Variants in GORASP2 observed in about 807,000 individuals in gnomAD.
GORASP2 encodes the protein Golgi reassembly-stacking protein 2.
A neutral mutation model predicts 45.7 loss-of-function variants in GORASP2; 22 were observed. The observed-to-expected ratio is 0.48, with a 90% confidence interval of 0.34 to 0.69. The LOEUF is 0.69. GORASP2 is among the 30% of genes least tolerant of loss of function. The pLI is 0.01. For missense variants in GORASP2, 491 were observed against 562.7 expected (o/e 0.87, Z 1.29); for synonymous variants, 221 against 215.6 (o/e 1.02, Z -0.22).
At chr2:170,956,721 A>G (rs560589499) in intron 7 of GORASP2, among the ~76,000 whole-genome samples, 162 bp downstream of exon 7, 22 of 149,570 alleles carry the variant, frequency 1.5e-4, no homozygotes, top group African/African-American at 5.4e-4. Flanking sequence ...CAGCATGGGC[A>G]ATATGGTGGA....
At chr2:170,954,122 C>G (rs1025440797) in intron 5 of GORASP2, 1 of 152,502 alleles carries the variant, frequency 6.6e-6, no homozygotes, top group African/African-American at 2.4e-5. Flanking sequence ...GTTGAACATA[C>G]ATGACTGATT....
At chr2:170,948,575 A>G in intron 2 of GORASP2, 145 bp downstream of exon 2, 1 of 569,670 alleles carries the variant, frequency 1.8e-6, no homozygotes, top group South Asian at 2.4e-5. Flanking sequence ...GTATTAATAA[A>G]CATTGAAATA....
chr2:170,944,461 C>T (rs770283985), intron 1 of GORASP2, among the ~76,000 whole-genome samples: 18 of 151,906 alleles, frequency 1.2e-4, no homozygotes, highest in East Asian at 1.9e-4. Context: ...GAGAGGAAAT[C>T]GATGTTAGTA....
intron 1 of GORASP2, among the ~76,000 whole-genome samples, chr2:170,934,731 C>G (rs1285267888): frequency 6.6e-6 from 1 of 151,246 alleles, no homozygotes; most frequent in African/African-American, 2.4e-5. Context: ...CCTTTTTTTT[C>G]TTTTTTGTTT....
At chr2:170,932,001 G>A (rs187823681) in intron 1 of GORASP2, among the ~76,000 whole-genome samples, 8 of 152,300 alleles carry the variant, frequency 5.3e-5, no homozygotes, top group East Asian at 3.9e-4. Flanking sequence ...CGAGGTGGGC[G>A]GATCACCTGA....
chr2:170,938,222 C>G (rs1477340175), intron 1 of GORASP2, among the ~76,000 whole-genome samples: 1 of 152,164 alleles, frequency 6.6e-6, no homozygotes, highest in Non-Finnish European at 1.5e-5. Context: ...TAGCTGATGC[C>G]TTTATTACTA....
At chr2:170,958,669 TTTTTTAA>T (rs1445228911) in intron 7 of GORASP2, among the ~76,000 whole-genome samples, 1 of 73,628 alleles carries the variant, frequency 1.4e-5, no homozygotes. Flanking sequence ...TTTTTTTTTT[TTTTTTAA>T]AAAAAAAAAA....
rs183621381 is a variant in GORASP2, at chr2:170,937,786, C to T, written c.63+8383C>T. On this transcript the variant is annotated intron_variant, in intron 1 of 9. Coordinates refer to ENST00000234160, the MANE Select transcript of GORASP2 (RefSeq NM_015530.5). Reference sequence around the variant, plus strand: ...TTGAAGCCAGGAGTTTGAGACCAGCCTAGACAGTAAAGTGAGATCCTGTCT... The same window carrying T: ...TTGAAGCCAGGAGTTTGAGACCAGCTTAGACAGTAAAGTGAGATCCTGTCT... Among the ~76,000 whole-genome samples, 11 of 152,182 alleles carry T rather than the reference C, an allele frequency of 7.2e-5. No homozygotes were observed. In the East Asian group the frequency reaches 2.1e-3, roughly 29 times the overall value.
chr2:170,945,899 CT>C (rs777698482), intron 1 of GORASP2, among the ~76,000 whole-genome samples: 1 of 152,192 alleles, frequency 6.6e-6, no homozygotes, highest in Non-Finnish European at 1.5e-5. Context: ...GAAAGTGTAT[CT>C]GTCATTTGCT....
intron 5 of GORASP2, 192 bp downstream of exon 5, chr2:170,951,650 A>G (rs1049817498): frequency 2.6e-5 from 11 of 421,362 alleles, no homozygotes; most frequent in Admixed American, 4.1e-5. Context: ...CATAGTATAT[A>G]TACTATAGTC....
chr2:170,932,227 CA>C (rs565934814), intron 1 of GORASP2, among the ~76,000 whole-genome samples: 3 of 147,492 alleles, frequency 2.0e-5, no homozygotes, highest in East Asian at 2.0e-4. Flanking sequence ...GACTTCTTTT[CA>C]AAAAAAAAAG....
At position 170,929,423 on chromosome 2, in the gene GORASP2, C is replaced by A; in HGVS notation, c.63+20C>A. ...CTGCGGGTAAGGGCTCCGACGGCGG[C>A]CGGGGAGCTGCGGGCTGGAGGCGGG... On this transcript the variant is annotated intron_variant, in intron 1 of 9. Transcript: ENST00000234160. The A allele has an allele frequency of 7.3e-7, 1 of 1,364,724 alleles. No individual in the cohort carries two copies. The highest frequency in any genetic ancestry group is 3.2e-5 in the Admixed American group (1 of 30,830). 84.5% of individuals were successfully genotyped at this position (1,364,724 alleles called of 1,614,324 possible).
In GORASP2 at chr2:170,947,992, G is replaced by A. The variant is rs116806660; in HGVS notation, c.64-358G>A. 8.4e-3 allele frequency among the ~76,000 whole-genome samples: 1,283 copies of A among 152,150 alleles called. 12 individuals carry two copies. Among genetic ancestry groups the A allele is most frequent in the African/African-American group, 0.027 (1,132 of 41,496 alleles). On this transcript the variant is annotated intron_variant, in intron 1 of 9. Transcript: ENST00000234160. Reference sequence around the variant, plus strand: ...AAAAATTAGTTGGACATGGTGGTACGCACCTATAGTCCTCCCAGGTACTCG... The same window carrying A: ...AAAAATTAGTTGGACATGGTGGTACACACCTATAGTCCTCCCAGGTACTCG...
intron 4 of GORASP2, 61 bp from the exon 5 acceptor site, chr2:170,951,267 T>G: frequency 7.2e-7 from 1 of 1,384,510 alleles, no homozygotes; most frequent in Non-Finnish European, 9.8e-7. Flanking sequence ...TAGCCAGGTT[T>G]GAGACACACT....
intron 7 of GORASP2, among the ~76,000 whole-genome samples, chr2:170,958,787 A>G (rs1219882388): frequency 6.6e-6 from 1 of 151,228 alleles, no homozygotes; most frequent in East Asian, 1.9e-4. Flanking sequence ...GCCTCAGCCT[A>G]ACCAAGTAGC....
At chr2:170,959,047 G>A (rs1423200568) in intron 7 of GORASP2, among the ~76,000 whole-genome samples, 4 of 151,168 alleles carry the variant, frequency 2.6e-5, no homozygotes, top group East Asian at 3.9e-4. Context: ...TGCAACCTCC[G>A]CCTCCTGGGT....
chr2:170,934,827 T>A (rs1703909189), intron 1 of GORASP2, among the ~76,000 whole-genome samples: 1 of 151,572 alleles, frequency 6.6e-6, no homozygotes, highest in Non-Finnish European at 1.5e-5. Flanking sequence ...AACCTCCGCC[T>A]CCGAAGTCCA....
chr2:170,934,282 T>C (rs1389908933), intron 1 of GORASP2, among the ~76,000 whole-genome samples: 1 of 152,102 alleles, frequency 6.6e-6, no homozygotes, highest in African/African-American at 2.4e-5. Flanking sequence ...TTGTTTTGTT[T>C]TGTTTTTTTT....
chr2:170,960,829 G>T (rs1575479967), intron 7 of GORASP2, among the ~76,000 whole-genome samples: 1 of 152,314 alleles, frequency 6.6e-6, no homozygotes, highest in Non-Finnish European at 1.5e-5. Flanking sequence ...ATAATAGACT[G>T]CCTGCATGGT....
Sources: allele counts gnomAD v4.1 joint callset (sites outside exome capture counted in the v4.1 genomes callset), GRCh38; gene constraint gnomAD v4.1.1; transcripts MANE v1.5; gene names NCBI Gene and HGNC (gene_info 2026-07-23, HGNC 2026-07-21).